The following KCNMA1 variants were observed in gnomAD, a reference collection of about 807,000 sequenced individuals.
KCNMA1 encodes Calcium-activated potassium channel subunit alpha-1.
In KCNMA1, 29 loss-of-function variants were observed where a neutral mutation model predicts 140.0. That is an observed-to-expected ratio of 0.21 (90% CI 0.15 to 0.28). KCNMA1 has a LOEUF of 0.28. Among genes scored for constraint, KCNMA1 ranks in the 10% least tolerant of loss-of-function variants. The probability of loss-of-function intolerance (pLI) is 1.00; values close to 1 mark genes in which losing one functional copy is unlikely to be tolerated. For synonymous variants in KCNMA1, 612 were observed against 611.9 expected (o/e 1.00, Z 0.00); for missense variants, 880 against 1,602.2 (o/e 0.55, Z 7.70).
chr10:77,540,516 G>C (rs557693353), intron 1 of KCNMA1, among the ~76,000 whole-genome samples: 29 of 152,272 alleles, frequency 1.9e-4, no homozygotes, highest in Non-Finnish European at 3.1e-4. Flanking sequence ...GGCTCTTTGG[G>C]TAAAAATGGT....
At chr10:77,271,132 AACAG>A (rs2065009583) in intron 2 of KCNMA1, among the ~76,000 whole-genome samples, 1 of 152,252 alleles carries the variant, frequency 6.6e-6, no homozygotes. Flanking sequence ...AGTATTGTTT[AACAG>A]ACAAACATTT....
At chr10:77,180,467 T>C (rs916225259) in intron 5 of KCNMA1, among the ~76,000 whole-genome samples, 1 of 152,234 alleles carries the variant, frequency 6.6e-6, no homozygotes, top group African/African-American at 2.4e-5. Context: ...AAGCATTTCA[T>C]TAAAGGTGCT....
chr10:77,324,059 G>A (rs978650504), intron 2 of KCNMA1, among the ~76,000 whole-genome samples: 2 of 152,190 alleles, frequency 1.3e-5, no homozygotes, highest in African/African-American at 4.8e-5. Flanking sequence ...GATTCTGGTG[G>A]TAAGGATGGG....
At chr10:77,058,596 T>A (rs557563782) in intron 14 of KCNMA1, among the ~76,000 whole-genome samples, 53 of 152,100 alleles carry the variant, frequency 3.5e-4, no homozygotes, top group African/African-American at 1.2e-3. Flanking sequence ...TACAAATCAA[T>A]AATAGAAAGA....
intron 23 of KCNMA1, among the ~76,000 whole-genome samples, chr10:76,943,788 G>A (rs1348821388): frequency 1.3e-5 from 2 of 152,204 alleles, no homozygotes; most frequent in South Asian, 2.1e-4. Flanking sequence ...GTAGCTCACA[G>A]GTCCAGGATG....
At chr10:77,462,281 A>G (rs2097889429) in intron 1 of KCNMA1, among the ~76,000 whole-genome samples, 1 of 152,212 alleles carries the variant, frequency 6.6e-6, no homozygotes, top group Non-Finnish European at 1.5e-5. Flanking sequence ...GCTAACACAT[A>G]CACACATGAG....
intron 2 of KCNMA1, among the ~76,000 whole-genome samples, chr10:77,261,025 C>G (rs777507575): frequency 1.3e-5 from 2 of 152,130 alleles, no homozygotes; most frequent in Non-Finnish European, 2.9e-5. Context: ...AACTGTGATT[C>G]CTCTAATCAG....
At position 77,284,968 on chromosome 10, in the gene KCNMA1, C is replaced by T. The variant is rs183891678; in HGVS notation, c.541-33712G>A. Among the ~76,000 whole-genome samples, 24 of 152,236 alleles carry T rather than the reference C, an allele frequency of 1.6e-4. 1 individual carries two copies. The East Asian group carries it at 4.6e-3, about 29-fold the overall frequency. ...ACAATATTATAATAGAGAAGAGGACCAGCATTAACAAACTGGCTTTTCCTG... is the reference window on the plus strand; with the variant it reads ...ACAATATTATAATAGAGAAGAGGACTAGCATTAACAAACTGGCTTTTCCTG... On this transcript the variant is annotated intron_variant, in intron 2 of 27. Coordinates refer to ENST00000286628, the MANE Select transcript of KCNMA1 (RefSeq NM_001161352.2).
chr10:76,995,757 A>G (rs2084098812), intron 19 of KCNMA1: 1 of 462,476 alleles, frequency 2.2e-6, no homozygotes, highest in African/African-American at 2.0e-5. Flanking sequence ...ACCTTGCATA[A>G]GGGCCTCTTC....
At chr10:77,312,762 T>G (rs609753) in intron 2 of KCNMA1, among the ~76,000 whole-genome samples, 1 of 152,076 alleles carries the variant, frequency 6.6e-6, no homozygotes, top group Admixed American at 6.5e-5. Flanking sequence ...TAGCAGGGGA[T>G]AGCTGAGGGC....
chr10:77,147,051 CA>C (rs1378789305), intron 5 of KCNMA1, among the ~76,000 whole-genome samples: 1 of 152,172 alleles, frequency 6.6e-6, no homozygotes, highest in African/African-American at 2.4e-5. Context: ...AAAGAACGAA[CA>C]ATGAAGCACA....
intron 18 of KCNMA1, among the ~76,000 whole-genome samples, chr10:77,008,604 A>G (rs2089847576): frequency 6.6e-6 from 1 of 152,220 alleles, no homozygotes. Flanking sequence ...GAAATGTTGA[A>G]GGTTACTGAA....
rs150605762 is a variant in KCNMA1 at position 77,154,701 on chromosome 10, G to A, written c.808+28720C>T. Among the ~76,000 whole-genome samples, 201 of 152,338 alleles carry A rather than the reference G, an allele frequency of 1.3e-3. 1 individual carries two copies. Among genetic ancestry groups the A allele is most frequent in the African/African-American group, 4.4e-3 (183 of 41,576 alleles). On this transcript the variant is annotated intron_variant, in intron 5 of 27. Coordinates refer to ENST00000286628, the MANE Select transcript of KCNMA1 (RefSeq NM_001161352.2). ...TGCAATAAATATTTATTAAGCACCT[G>A]CTGGTGCCTGGCATTGCTCTGTGTT...
chr10:77,576,543 ACGTG>A (rs2074177803), intron 1 of KCNMA1, among the ~76,000 whole-genome samples: 1 of 152,130 alleles, frequency 6.6e-6, no homozygotes, highest in Non-Finnish European at 1.5e-5. Flanking sequence ...TCCACTGGAG[ACGTG>A]CTTCCTAAGT....
chr10:77,601,297 AC>A (rs2082554055), intron 1 of KCNMA1, among the ~76,000 whole-genome samples: 1 of 151,898 alleles, frequency 6.6e-6, no homozygotes, highest in African/African-American at 2.4e-5. Flanking sequence ...TACTATCTCC[AC>A]CCCAAAGCCT....
At chr10:77,206,504 T>C (rs1164438441) in intron 3 of KCNMA1, among the ~76,000 whole-genome samples, 1 of 152,214 alleles carries the variant, frequency 6.6e-6, no homozygotes, top group Non-Finnish European at 1.5e-5. Flanking sequence ...CTATCTGCTC[T>C]TGGTTTTTCG....
chr10:76,886,576 G>T lies in KCNMA1; in HGVS notation c.*690C>A, dbSNP rs145289064. 563 of 987,302 alleles carry T rather than the reference G, an allele frequency of 5.7e-4. 1 individual carries two copies. In the African/African-American group the frequency reaches 9.3e-3, roughly 16 times the overall value. The allele number at this position is 987,302 out of a possible 1,614,324, so 61.2% of individuals were successfully genotyped here. A position where few individuals can be genotyped will look rare whatever the true frequency, so the allele number is the denominator to read the frequency against. ...ATACTATTCTCTCCTCCATATTAAG[G>T]TGAGAAATGTTCATAAGAACTCCCA... On this transcript the variant is annotated 3_prime_UTR_variant, in exon 28 of 28. Coordinates refer to ENST00000286628, the MANE Select transcript of KCNMA1 (RefSeq NM_001161352.2).
intron 6 of KCNMA1, among the ~76,000 whole-genome samples, chr10:77,116,940 A>C (rs2097486975): frequency 6.6e-6 from 1 of 152,178 alleles, no homozygotes; most frequent in Non-Finnish European, 1.5e-5. Context: ...TGAATCTAAG[A>C]ACCTGCATGA....
intron 25 of KCNMA1, among the ~76,000 whole-genome samples, chr10:76,907,191 T>C (rs909652252): frequency 1.3e-5 from 2 of 152,238 alleles, no homozygotes; most frequent in African/African-American, 2.4e-5. Context: ...GCTCCCATAC[T>C]ATTGCATCCA....
Sources: gnomAD v4.1 joint callset for allele counts (sites outside exome capture counted in the v4.1 genomes callset) on GRCh38, gnomAD v4.1.1 for gene constraint, MANE v1.5 for transcripts, NCBI Gene and HGNC (gene_info 2026-07-23, HGNC 2026-07-21) for gene names.